ZNF648: variants seen among roughly 807,000 people sequenced by gnomAD.
ZNF648 encodes zinc finger protein 648.
Under a neutral mutation model 0.3 loss-of-function variants are expected in ZNF648, and 1 was observed. The observed-to-expected ratio is 3.90, with a 90% confidence interval of 1.39 to 18.51. ZNF648 has a LOEUF of 18.51. Ranked by LOEUF, ZNF648 falls within the 30% of genes most tolerant of loss-of-function variation. The pLI is 0.11. For synonymous variants in ZNF648, 376 were observed against 326.8 expected (o/e 1.15, Z -1.62); for missense variants, 874 against 769.7 (o/e 1.14, Z -1.60).
upstream of ZNF648, among the ~76,000 whole-genome samples, chr1:182,062,474 G>A (rs1375604116): frequency 6.6e-6 from 1 of 152,160 alleles, no homozygotes; most frequent in Admixed American, 6.5e-5. Context: ...CACGGTCTGG[G>A]TCTGGGTTTG....
intron 1 of ZNF648, among the ~76,000 whole-genome samples, chr1:182,059,736 G>A (rs1238527182): frequency 1.3e-5 from 2 of 151,522 alleles, no homozygotes; most frequent in South Asian, 2.1e-4. Flanking sequence ...GCATGGTGGC[G>A]GAGCTTGCAG....
In ZNF648 at chr1:182,055,724, G is replaced by C. The variant is rs1665894703; in HGVS notation, c.*580C>G. On this transcript the variant is annotated 3_prime_UTR_variant, in exon 2 of 2. Transcript: ENST00000339948. This position sits in a 1 kb window ranked among gnomAD's most constrained non-coding sequence, Gnocchi z 4.1. ...AGACTCATAAAGATATATCCTAAGG[G>C]TAAAGCCATTTCTGCAGTCAAGTGA... is the stretch of plus-strand genomic sequence containing the variant. 1 of 154,132 alleles carries C rather than the reference G, an allele frequency of 6.5e-6. No homozygotes were observed. Among genetic ancestry groups the C allele is most frequent in the African/African-American group, 2.4e-5 (1 of 41,438 alleles). 9.5% of individuals were successfully genotyped at this position (154,132 alleles called of 1,614,324 possible).
rs1665898558 is a variant in ZNF648 at position 182,056,046 on chromosome 1, T to G, written c.*258A>C. ...TTCCCCAACCCAAGGAACTCAACGTTTGATCAGCTCCCACTACTTTGTCTT... is the reference window on the plus strand; with the variant it reads ...TTCCCCAACCCAAGGAACTCAACGTGTGATCAGCTCCCACTACTTTGTCTT... On this transcript the variant is annotated 3_prime_UTR_variant, in exon 2 of 2. Transcript: ENST00000339948. The G allele has an allele frequency of 8.3e-6, 4 of 484,404 alleles. No homozygotes were observed. The highest frequency in any genetic ancestry group is 1.9e-5 in the African/African-American group (1 of 51,794). The allele number at this position is 484,404 out of a possible 1,614,324, so 30.0% of individuals were successfully genotyped here.
At chr1:182,063,820 G>A (rs999893412), upstream of ZNF648, 78 of 152,078 alleles carry the variant, frequency 5.1e-4, no homozygotes, top group African/African-American at 1.8e-3. Flanking sequence ...TTTCTTCTAG[G>A]GTTTTTATAG....
At chr1:182,063,208 G>C (rs139227709), upstream of ZNF648, 263 of 152,262 alleles carry the variant, frequency 1.7e-3, no homozygotes, top group African/African-American at 6.2e-3. Flanking sequence ...ATATTCCTTT[G>C]GGTATATTCC....
the ZNF648 span, among the ~76,000 whole-genome samples, chr1:182,067,932 G>A: frequency 5.9e-5 from 9 of 152,148 alleles, no homozygotes; most frequent in African/African-American, 2.2e-4. Context: ...CTCAGCCTTG[G>A]GACCTTGTAG....
At chr1:182,065,940 C>T (rs923620959), upstream of ZNF648, among the ~76,000 whole-genome samples, 5 of 152,176 alleles carry the variant, frequency 3.3e-5, no homozygotes, top group Non-Finnish European at 5.9e-5. Flanking sequence ...TTAATCTTTC[C>T]AACACTCACT....
Position 182,057,740 on chromosome 1 carries a change from C to G in ZNF648, c.271G>C (p.Gly91Arg), listed in dbSNP as rs200952531. The G allele has an allele frequency of 6.3e-5, 101 of 1,614,118 alleles. No individual in the cohort carries two copies. Among genetic ancestry groups the G allele is most frequent in the Middle Eastern group, 1.6e-4 (1 of 6,084 alleles). Residue 91 changes from glycine (G) to arginine (R), a missense_variant, in exon 2 of 2, where the codon GGG (glycine) becomes CGG (arginine). By Grantham distance (125) the Gly-to-Arg change is moderately radical. Coordinates refer to ENST00000339948, the MANE Select transcript of ZNF648 (RefSeq NM_001009992.1). ...FSDSSSAGGM[G>R]QKPVEMSGKA... ...CCAGACATTTCCACTGGTTTCTGCC[C>G]CATGCCCCCAGCACTGGAGGAGTCA...
At chr1:182,063,282 G>A (rs1366273637), upstream of ZNF648, 1 of 152,182 alleles carries the variant, frequency 6.6e-6, no homozygotes, top group Non-Finnish European at 1.5e-5. Context: ...TCGCTATACT[G>A]TCTTCCACAA....
At chr1:182,064,786 A>G (rs1265087856), upstream of ZNF648, 1 of 152,210 alleles carries the variant, frequency 6.6e-6, no homozygotes, top group African/African-American at 2.4e-5. Context: ...TGCTGCCACT[A>G]GCCCGCATCC....
chr1:182,061,090 C>T (rs527405304), intron 1 of ZNF648, among the ~76,000 whole-genome samples: 1 of 152,334 alleles, frequency 6.6e-6, no homozygotes, highest in East Asian at 1.9e-4. Flanking sequence ...AGCCATATCC[C>T]CAGTGAATAT....
chr1:182,062,224 T>G (rs1342800873), upstream of ZNF648, among the ~76,000 whole-genome samples: 1 of 152,164 alleles, frequency 6.6e-6, no homozygotes, highest in Admixed American at 6.5e-5. Flanking sequence ...GTTTTCTGTC[T>G]TATGCATACA....
chr1:182,057,957 G>A lies in ZNF648; in HGVS notation c.54C>T (p.Ser18=), dbSNP rs540948193. ...DRWGEASPLS[S]LTEEAHDTQM... ...GGGTGTCATGAGCTTCCTCAGTCAA[G>A]CTGCTGAGAGGAGACGCCTCTCCCC... Residue 18 remains serine (S), a synonymous_variant, in exon 2 of 2, where the codon AGC becomes AGT. Coordinates refer to ENST00000339948, the MANE Select transcript of ZNF648 (RefSeq NM_001009992.1). 1.7e-5 allele frequency: 27 copies of A among 1,613,896 alleles called. No individual in the cohort carries two copies. In the Middle Eastern group the frequency reaches 4.9e-4, roughly 30 times the overall value.
At chr1:182,060,832 T>C (rs896204402) in intron 1 of ZNF648, among the ~76,000 whole-genome samples, 7 of 152,192 alleles carry the variant, frequency 4.6e-5, no homozygotes, top group Admixed American at 3.3e-4. Context: ...CTTAGGTCTC[T>C]TTCCCTCTTT....
rs1042441766 is a variant in ZNF648, at chr1:182,056,742, G to C, written c.1269C>G (p.Pro423=). The part of the protein sequence containing the change: ...VHSGERPFPC[P]TCGKCFTKSS... ...ACTTGGTGAAGCACTTGCCGCAGGT[G>C]GGGCAGGGGAAGGGCCGCTCGCCCG... The change falls in exon 2 of 2, where the codon CCC becomes CCG. Residue 423 remains proline, a synonymous_variant. Coordinates refer to ENST00000339948, the MANE Select transcript of ZNF648 (RefSeq NM_001009992.1). 1.9e-6 allele frequency: 3 copies of C among 1,577,184 alleles called. No homozygotes were observed. The highest frequency in any genetic ancestry group is 2.3e-5 in the South Asian group (2 of 86,576).
Position 182,057,025 on chromosome 1 carries a change from T to C in ZNF648, c.986A>G (p.His329Arg). 3 of 1,613,532 alleles carry C rather than the reference T, an allele frequency of 1.9e-6. No individual in the cohort carries two copies. The highest frequency in any genetic ancestry group is 2.5e-6 in the Non-Finnish European group (3 of 1,179,908). The change falls in exon 2 of 2, where the codon CAC becomes CGC. Residue 329 changes from histidine to arginine, a missense_variant. Transcript: ENST00000339948. ...SSDHRKHIRT[H>R]TGEKPYPCPD... ...ACACGGGTAGGGTTTCTCGCCTGTG[T>C]GGGTGCGGATGTGCTTCCGGTGGTC...
Position 182,057,469 on chromosome 1 carries a change from T to C in ZNF648, c.542A>G (p.Asp181Gly). 6.2e-7 allele frequency: 1 copy of C among 1,614,190 alleles called. No individual in the cohort carries two copies. The highest frequency in any genetic ancestry group is 8.5e-7 in the Non-Finnish European group (1 of 1,180,040). Residue 181 changes from aspartate (D) to glycine (G), a missense_variant, in exon 2 of 2, where the codon GAC (aspartate) becomes GGC (glycine). Transcript: ENST00000339948. ...GKYLCAHKSVDTSAGNSSLLC... is the reference protein window; with the variant it reads ...GKYLCAHKSVGTSAGNSSLLC... ...CAGAGAAGAGTTCCCTGCGGACGTG[T>C]CTACACTTTTGTGCGCACAGAGATA...
chr1:182,056,244 A>C lies in ZNF648; in HGVS notation c.*60T>G. ...GCGAGGCTGACCAGTGAGGCTGGCA[A>C]TACCATGTGAGTGGGCCCACCTGGG... is the stretch of plus-strand genomic sequence containing the variant. On this transcript the variant is annotated 3_prime_UTR_variant, in exon 2 of 2. Transcript: ENST00000339948. 1 of 1,540,426 alleles carries C rather than the reference A, an allele frequency of 6.5e-7. No homozygotes were observed. Among genetic ancestry groups the C allele is most frequent in the Non-Finnish European group, 8.7e-7 (1 of 1,143,450 alleles).
In ZNF648 at chr1:182,058,071, T is replaced by C. The variant is rs1005219179; in HGVS notation, c.-61A>G. 2.8e-5 allele frequency: 43 copies of C among 1,521,106 alleles called. No individual in the cohort carries two copies. The highest frequency in any genetic ancestry group is 3.8e-5 in the Non-Finnish European group (43 of 1,137,344). 94.2% of individuals were successfully genotyped at this position (1,521,106 alleles called of 1,614,324 possible). On this transcript the variant is annotated splice_region_variant and 5_prime_UTR_variant, in exon 2 of 2. Coordinates refer to ENST00000339948, the MANE Select transcript of ZNF648 (RefSeq NM_001009992.1). ...GAGGAGTATCCTGCTTGGCTCAGGATACCTGCAAAAAGAAAAGTACGAAGA... is the reference window on the plus strand; with the variant it reads ...GAGGAGTATCCTGCTTGGCTCAGGACACCTGCAAAAAGAAAAGTACGAAGA...
Sources: gnomAD v4.1 joint callset for allele counts (sites outside exome capture counted in the v4.1 genomes callset) on GRCh38, gnomAD v4.1.1 for gene constraint, Gnocchi (gnomAD v3.1) non-coding constraint, MANE v1.5 for transcripts, NCBI Gene and HGNC (gene_info 2026-07-23, HGNC 2026-07-21) for gene names.